The following DTWD2 variants were observed in gnomAD, a reference collection of about 807,000 sequenced individuals.
The protein encoded by DTWD2 is tRNA-uridine aminocarboxypropyltransferase 2.
Under a neutral mutation model 31.8 loss-of-function variants are expected in DTWD2, and 39 were observed. The ratio of observed to expected loss-of-function variants is 1.22; its 90% CI spans 0.95 to 1.60. The LOEUF is 1.60. DTWD2 is among the 40% of genes most tolerant of loss of function. DTWD2 has a pLI of 0.00. For missense variants in DTWD2, 515 were observed against 381.5 expected, an observed-to-expected ratio of 1.35 and a Z score of -2.92; for synonymous variants, 180 against 142.8, an observed-to-expected ratio of 1.26 and a Z score of -1.86.
intron 1 of DTWD2, among the ~76,000 whole-genome samples, chr5:118,968,984 T>C (rs1356844372): frequency 1.3e-5 from 2 of 152,218 alleles, no homozygotes; most frequent in Non-Finnish European, 1.5e-5. Flanking sequence ...GGTTCCAGCC[T>C]GCCGGCTCCT....
intron 4 of DTWD2, among the ~76,000 whole-genome samples, chr5:118,919,034 AT>A (rs1445322276): frequency 2.6e-5 from 4 of 152,218 alleles, no homozygotes; most frequent in African/African-American, 9.6e-5. Flanking sequence ...CATTTGTCTG[AT>A]GCCTAGCTGC....
At chr5:118,927,933 A>C (rs946372608) in intron 4 of DTWD2, among the ~76,000 whole-genome samples, 1 of 152,136 alleles carries the variant, frequency 6.6e-6, no homozygotes, top group Non-Finnish European at 1.5e-5. Context: ...AAAAATACAC[A>C]TAATTCAATG....
rs138245103 is a variant in DTWD2, at chr5:118,944,610, C to A, written c.258G>T (p.Ala86=). ...QKVCLCPFLP[A]HPLHISTHLY... is the part of the protein sequence containing the mutation. ...AGTGGGTAGAGATATGCAGAGGGTG[C>A]GCTGGGAGAAATGGACACAAACACA... The change falls in exon 2 of 6, where the codon GCG becomes GCT. Residue 86 remains alanine (A), a synonymous_variant. Transcript: ENST00000510708. 3.1e-4 allele frequency: 501 copies of A among 1,612,998 alleles called. No individual in the cohort carries two copies. The highest frequency in any genetic ancestry group is 1.2e-3 in the Middle Eastern group (7 of 5,976).
At chr5:118,935,326 C>A (rs1460452863) in intron 3 of DTWD2, among the ~76,000 whole-genome samples, 1 of 152,068 alleles carries the variant, frequency 6.6e-6, no homozygotes, top group Admixed American at 6.6e-5. Flanking sequence ...TTGTGGAAGC[C>A]CCAACTTGAA....
intron 4 of DTWD2, among the ~76,000 whole-genome samples, chr5:118,897,878 CT>C (rs928323730): frequency 1.3e-5 from 2 of 151,990 alleles, no homozygotes; most frequent in East Asian, 1.9e-4. Flanking sequence ...TAAATAATTT[CT>C]TTTTTTTGAG....
At position 118,933,987 on chromosome 5, in the gene DTWD2, A is replaced by T. The variant is rs138459011; in HGVS notation, c.404+5209T>A. Among the ~76,000 whole-genome samples the T allele has an allele frequency of 1.5e-3, 233 of 151,648 alleles. 2 individuals carry two copies. The highest frequency in any genetic ancestry group is 5.4e-3 in the African/African-American group (224 of 41,512). On this transcript the variant is annotated intron_variant, in intron 3 of 5. Transcript: ENST00000510708. ...ACAAGATATAAGGTTAATATACAAA[A>T]GTCAATTGCTTTCCCACATACTAGC...
At chr5:118,986,353 T>C (rs920505293) in intron 1 of DTWD2, among the ~76,000 whole-genome samples, 2 of 152,210 alleles carry the variant, frequency 1.3e-5, no homozygotes, top group East Asian at 3.8e-4. Flanking sequence ...TTTGGGATCT[T>C]TTAAAGAATA....
chr5:118,970,132 G>C (rs181772783), intron 1 of DTWD2, among the ~76,000 whole-genome samples: 39 of 152,256 alleles, frequency 2.6e-4, no homozygotes, highest in Non-Finnish European at 5.3e-4. Context: ...CAAGAATAGA[G>C]AAAAAAGAAT....
intron 5 of DTWD2, among the ~76,000 whole-genome samples, chr5:118,843,103 C>T (rs1197783254): frequency 6.6e-6 from 1 of 151,758 alleles, no homozygotes; most frequent in Admixed American, 6.6e-5. Context: ...ACTATAGGTG[C>T]ATGCCACCAT....
chr5:118,853,289 C>T (rs1752054750), intron 4 of DTWD2, among the ~76,000 whole-genome samples: 1 of 152,128 alleles, frequency 6.6e-6, no homozygotes, highest in African/African-American at 2.4e-5. Flanking sequence ...GATGCTTATA[C>T]ACTGTTGTTA....
chr5:118,907,091 C>T (rs769500956), intron 4 of DTWD2, among the ~76,000 whole-genome samples: 3 of 152,158 alleles, frequency 2.0e-5, no homozygotes, highest in Non-Finnish European at 4.4e-5. Context: ...ATCCACAGAA[C>T]CATGCTCCAA....
rs950325331 is a variant in DTWD2 at position 118,837,866 on chromosome 5, C to T, written c.*3051G>A. On this transcript the variant is annotated 3_prime_UTR_variant, in exon 6 of 6. Transcript: ENST00000510708. ...CCCAGGAGTTTGATGCTGCAGTAAG[C>T]TATGATTACACCACTGCACTCCAAA... 1 of 152,148 alleles carries T rather than the reference C, an allele frequency of 6.6e-6. No homozygotes were observed. The highest frequency in any genetic ancestry group is 2.4e-5 in the African/African-American group (1 of 41,426). The allele number at this position is 152,148 out of a possible 1,614,324, so 9.4% of individuals were successfully genotyped here.
rs113038293 is a variant in DTWD2, at chr5:118,918,700, G to A, written c.597+9837C>T. ...AACACCACTCTTGCATCAAGAATGT[G>A]ATCTCAGCCAGGCTTAGTGGCTCAC... On this transcript the variant is annotated intron_variant, in intron 4 of 5. Transcript: ENST00000510708. Among the ~76,000 whole-genome samples, 763 of 152,038 alleles carry A rather than the reference G, an allele frequency of 5.0e-3. 8 individuals are homozygous for A. The highest frequency in any genetic ancestry group is 0.018 in the African/African-American group (743 of 41,478).
intron 1 of DTWD2, among the ~76,000 whole-genome samples, chr5:118,949,935 G>A (rs1754422627): frequency 6.6e-6 from 1 of 152,162 alleles, no homozygotes; most frequent in Non-Finnish European, 1.5e-5. Context: ...AAGCGGCCGG[G>A]CGCGATGGCT....
intron 1 of DTWD2, among the ~76,000 whole-genome samples, chr5:118,987,430 C>T (rs1223348713): frequency 2.0e-5 from 3 of 152,218 alleles, no homozygotes; most frequent in Non-Finnish European, 4.4e-5. Context: ...TAAAGATCTT[C>T]AACCATATTC....
intron 1 of DTWD2, among the ~76,000 whole-genome samples, chr5:118,973,079 C>CCTTTTTTTTTTTT (rs1221777850): frequency 1.4e-5 from 2 of 139,998 alleles, no homozygotes. Context: ...TTGCAACCCC[C>CCTTTTTTTTTTTT]TTTTTTTTTT....
At chr5:118,860,235 ATT>A (rs1297458201) in intron 4 of DTWD2, among the ~76,000 whole-genome samples, 1 of 149,584 alleles carries the variant, frequency 6.7e-6, no homozygotes, top group Non-Finnish European at 1.5e-5. Flanking sequence ...TTATTAATAT[ATT>A]ATAATCTTAA....
At chr5:118,974,202 C>T in intron 1 of DTWD2, 1 of 1,344,680 alleles carries the variant, frequency 7.4e-7, no homozygotes, top group Non-Finnish European at 1.0e-6. Flanking sequence ...GTCTCAGAAT[C>T]TAAACGTGGT....
intron 4 of DTWD2, among the ~76,000 whole-genome samples, chr5:118,897,219 A>C (rs1753103428): frequency 6.6e-6 from 1 of 152,228 alleles, no homozygotes; most frequent in African/African-American, 2.4e-5. Context: ...AGAGGAAACC[A>C]GGCACAAGTT....
Sources: gnomAD v4.1 joint callset for allele counts (sites outside exome capture counted in the v4.1 genomes callset) on GRCh38, gnomAD v4.1.1 for gene constraint, MANE v1.5 for transcripts, NCBI Gene and HGNC (gene_info 2026-07-23, HGNC 2026-07-21) for gene names.